IPO8: variants seen among roughly 807,000 people sequenced by gnomAD.
IPO8 encodes the protein importin-8.
In IPO8, 65 loss-of-function variants were observed where a neutral mutation model predicts 141.2. The observed-to-expected ratio is 0.46, with a 90% CI of 0.38 to 0.57. IPO8 has a LOEUF of 0.57. IPO8 is among the 20% of genes least tolerant of loss of function. The pLI is 0.00. For synonymous variants in IPO8, 411 were observed against 420.3 expected, an observed-to-expected ratio of 0.98 and a Z score of 0.27; for missense variants, 980 against 1,246.8, an observed-to-expected ratio of 0.79 and a Z score of 3.22.
intron 17 of IPO8, among the ~76,000 whole-genome samples, chr12:30,655,867 G>A (rs75802497): frequency 0.026 from 3,954 of 152,234 alleles, 65 homozygotes; most frequent in South Asian, 0.03. Flanking sequence ...TTCTATCTGA[G>A]TACTACACAG....
intron 3 of IPO8, among the ~76,000 whole-genome samples, chr12:30,683,678 T>C (rs949091195): frequency 1.3e-5 from 2 of 152,218 alleles, no homozygotes; most frequent in African/African-American, 4.8e-5. Context: ...ACTAGCAACA[T>C]TTCAAGTGCT....
chr12:30,665,305 CTCT>C lies in IPO8; in HGVS notation c.1340_1342del (p.Lys447del), dbSNP rs1268458414. 5 of 1,554,390 alleles carry C rather than the reference CTCT, an allele frequency of 3.2e-6. No homozygotes were observed. In the African/African-American group the frequency reaches 4.1e-5, roughly 13 times the overall value. On this transcript the variant is annotated inframe_deletion and splice_region_variant, in exon 13 of 25. Transcript: ENST00000256079. Reference sequence around the variant, plus strand: ...CAGCTCCATTTGGTCCTTGAATAAACTCTTCTATTAGGAAACAAATTTCAACTT... The same window carrying C: ...CAGCTCCATTTGGTCCTTGAATAAACTCTATTAGGAAACAAATTTCAACTT...
At chr12:30,694,914 C>A in intron 1 of IPO8, 1 of 448,166 alleles carries the variant, frequency 2.2e-6, no homozygotes, top group South Asian at 1.6e-5. Context: ...GAACAGGAGA[C>A]GGAGAAAAGA....
intron 5 of IPO8, among the ~76,000 whole-genome samples, chr12:30,678,071 G>A (rs1420465610): frequency 6.7e-6 from 1 of 149,706 alleles, no homozygotes; most frequent in Admixed American, 6.6e-5. Context: ...GTGGCAGTGA[G>A]CCGAGATTGT....
rs888241549 is a variant in IPO8 at position 30,634,150 on chromosome 12, C to A, written c.2832G>T (p.Gly944=). 5 of 1,613,980 alleles carry A rather than the reference C, an allele frequency of 3.1e-6. No homozygotes were observed. In the Admixed American group the frequency reaches 5.0e-5, roughly 16 times the overall value. The change falls in exon 23 of 25, where the codon GGG becomes GGT. Residue 944 remains glycine (G), a synonymous_variant. Transcript: ENST00000256079. ...TGTCAAGGTCAAGTGGAGTACTGAACCCCTCAAGCGCGGTTTCTTCCAATA... is the reference window on the plus strand; with the variant it reads ...TGTCAAGGTCAAGTGGAGTACTGAAACCCTCAAGCGCGGTTTCTTCCAATA... ...EEVLEETALE[G]FSTPLDLDNS... is the part of the protein sequence containing the mutation.
At chr12:30,662,273 T>A in intron 15 of IPO8, 54 bp downstream of exon 15, 2 of 1,444,940 alleles carry the variant, frequency 1.4e-6, no homozygotes, top group Non-Finnish European at 1.9e-6. Flanking sequence ...TTGGAGTTTA[T>A]TTAGATTACT....
At chr12:30,651,119 A>C (rs1171822745) in intron 19 of IPO8, among the ~76,000 whole-genome samples, 1 of 152,138 alleles carries the variant, frequency 6.6e-6, no homozygotes, top group Non-Finnish European at 1.5e-5. Context: ...GCTGTGAATT[A>C]CTAATGGAAT....
Position 30,639,531 on chromosome 12 carries a change from T to C in IPO8, c.2473A>G (p.Thr825Ala). 5 of 1,611,272 alleles carry C rather than the reference T, an allele frequency of 3.1e-6. No individual in the cohort carries two copies. Among genetic ancestry groups the C allele is most frequent in the Non-Finnish European group, 3.4e-6 (4 of 1,177,378 alleles). The change falls in exon 21 of 25, where the codon ACA becomes GCA. Residue 825 changes from threonine to alanine, a missense_variant. Thr to Ala is a moderately conservative substitution (Grantham distance 58). This residue lies in a region of IPO8 where 924 missense variants were observed against 1,153.9 expected (regional missense o/e 0.80). Transcript: ENST00000256079. ...GACACATACCCAAGAAAACAATCTG[T>C]ATCATTCATCCATTGATTTATAAAC... Reference protein sequence around the residue: ...VQFINQWMNDTDCFLGHHDRK... With the variant: ...VQFINQWMNDADCFLGHHDRK...
At chr12:30,640,951 T>C (rs1453708528) in intron 20 of IPO8, among the ~76,000 whole-genome samples, 1 of 152,206 alleles carries the variant, frequency 6.6e-6, no homozygotes, top group Non-Finnish European at 1.5e-5. Context: ...AAAACATCAC[T>C]ATGTATTCTA....
At chr12:30,683,161 G>C (rs912537085) in intron 3 of IPO8, among the ~76,000 whole-genome samples, 1 of 152,136 alleles carries the variant, frequency 6.6e-6, no homozygotes, top group African/African-American at 2.4e-5. Flanking sequence ...GATTAAGGGA[G>C]ATCTGAAAAT....
intron 24 of IPO8, among the ~76,000 whole-genome samples, chr12:30,631,268 G>A (rs550083767): frequency 6.6e-6 from 1 of 152,320 alleles, no homozygotes; most frequent in African/African-American, 2.4e-5. Context: ...AAGGCTGACT[G>A]AGAATCTGCA....
At chr12:30,688,568 C>T (rs2053264260) in intron 2 of IPO8, 2 of 187,194 alleles carry the variant, frequency 1.1e-5, no homozygotes, top group Non-Finnish European at 2.3e-5. Context: ...TTGGAGCATC[C>T]TTGTATTTTA....
At chr12:30,657,755 T>C (rs2052821037) in intron 16 of IPO8, among the ~76,000 whole-genome samples, 1 of 152,156 alleles carries the variant, frequency 6.6e-6, no homozygotes, top group Non-Finnish European at 1.5e-5. Flanking sequence ...TTGATTGACA[T>C]GGAAGGATCA....
chr12:30,667,569 G>T (rs1373984213), intron 10 of IPO8, among the ~76,000 whole-genome samples: 1 of 152,110 alleles, frequency 6.6e-6, no homozygotes, highest in East Asian at 1.9e-4. Flanking sequence ...TGCAGTAATT[G>T]TTCTTCCCTA....
chr12:30,669,326 T>C (rs1298008794), intron 9 of IPO8, 44 bp from the exon 10 acceptor site: 1 of 939,390 alleles, frequency 1.1e-6, no homozygotes. Context: ...GGGTATAGGC[T>C]ATTCAAGTTT....
rs558049741 is a variant in IPO8, at chr12:30,681,829, G to A, written c.324-12C>T. 2 of 1,593,578 alleles carry A rather than the reference G, an allele frequency of 1.3e-6. No individual in the cohort carries two copies. Among genetic ancestry groups the A allele is most frequent in the East Asian group, 4.5e-5 (2 of 44,484 alleles). ...TTGTTAATTGGACTCTACAAAGTAG[G>A]GAAGAAAAGTCCAAAATCTAAGTAA... On this transcript the variant is annotated splice_polypyrimidine_tract_variant and intron_variant, in intron 3 of 24. Transcript: ENST00000256079.
Position 30,629,946 on chromosome 12 carries a change from A to T in IPO8, c.*914T>A, listed in dbSNP as rs1157038071. On this transcript the variant is annotated 3_prime_UTR_variant, in exon 25 of 25. Transcript: ENST00000256079. ...AAAATACAAGTCCCCATCCAGAAAG[A>T]CAGTGTGCTTACGTAGCACCTGTCT... 1.3e-5 allele frequency: 2 copies of T among 152,240 alleles called. No individual in the cohort carries two copies. Among genetic ancestry groups the T allele is most frequent in the Non-Finnish European group, 2.9e-5 (2 of 68,030 alleles). 9.4% of individuals were successfully genotyped at this position (152,240 alleles called of 1,614,324 possible). A position where few individuals can be genotyped will look rare whatever the true frequency, so the allele number is the denominator to read the frequency against.
At chr12:30,652,162 C>T (rs1456502415) in intron 19 of IPO8, 30 bp downstream of exon 19, 1 of 1,276,518 alleles carries the variant, frequency 7.8e-7, no homozygotes, top group African/African-American at 1.5e-5. Flanking sequence ...AGTTAAGAAC[C>T]ACTGAAACAA....
chr12:30,671,166 G>T, intron 8 of IPO8, 70 bp from the exon 9 acceptor site: 2 of 976,572 alleles, frequency 2.0e-6, no homozygotes, highest in South Asian at 1.6e-5. Context: ...TGCCATTTTT[G>T]GCATGACCTA....
Sources: gnomAD v4.1 joint callset for allele counts (sites outside exome capture counted in the v4.1 genomes callset) on GRCh38, gnomAD v4.1.1 for gene constraint, gnomAD v4.1.1 regional missense constraint, MANE v1.5 for transcripts, NCBI Gene and HGNC (gene_info 2026-07-23, HGNC 2026-07-21) for gene names.